The following ZNF521 variants were observed in gnomAD, a reference collection of about 807,000 sequenced individuals.
ZNF521 encodes LYST-interacting protein 3.
In ZNF521, 14 loss-of-function variants were observed where a neutral mutation model predicts 105.5. That is an observed-to-expected ratio of 0.13 (90% CI 0.09 to 0.21). The LOEUF (loss-of-function observed/expected upper bound fraction) is 0.21. Ranked by LOEUF, ZNF521 falls within the 10% of genes least tolerant of loss-of-function variation. ZNF521 has a pLI of 1.00. For missense variants in ZNF521, 1,233 were observed against 1,629.7 expected (o/e 0.76, Z 4.19); for synonymous variants, 635 against 606.0 (o/e 1.05, Z -0.70).
intron 3 of ZNF521, among the ~76,000 whole-genome samples, chr18:25,266,182 T>C (rs1909238754): frequency 6.6e-6 from 1 of 152,156 alleles, no homozygotes; most frequent in South Asian, 2.1e-4. Context: ...AACTAACTTA[T>C]AAAGAGTATA....
At chr18:25,205,018 T>A (rs2036054060) in intron 4 of ZNF521, among the ~76,000 whole-genome samples, 3 of 152,012 alleles carry the variant, frequency 2.0e-5, no homozygotes, top group Non-Finnish European at 4.4e-5. Context: ...CCTTCATTCA[T>A]AAGGTACTTA....
chr18:25,227,082 G>A lies in ZNF521; in HGVS notation c.836C>T (p.Ala279Val), dbSNP rs1214176913. ...HPECSPNEDR[A>V]ALQCVYCHEL... ...GTGGCAGTAGACACACTGGAGGGCC[G>A]CTCGGTCCTCATTTGGGGAGCATTC... Residue 279 changes from alanine (A) to valine (V), a missense_variant, in exon 4 of 8, where the codon GCG becomes GTG. Ala to Val is a moderately conservative substitution (Grantham distance 64). This residue lies in a region of ZNF521 where 380 missense variants were observed against 478.0 expected (regional missense o/e 0.80). Transcript: ENST00000361524. The surrounding 1 kb of genome is among the most constrained non-coding windows in gnomAD (Gnocchi z 5.7). 1.2e-5 allele frequency: 19 copies of A among 1,614,002 alleles called. No individual in the cohort carries two copies. The highest frequency in any genetic ancestry group is 2.2e-5 in the East Asian group (1 of 44,880).
intron 5 of ZNF521, among the ~76,000 whole-genome samples, chr18:25,127,557 G>T (rs2034560430): frequency 6.6e-6 from 1 of 151,790 alleles, no homozygotes; most frequent in Admixed American, 6.6e-5. Context: ...TAATGTTTTA[G>T]AAAAAGACCT....
chr18:25,136,965 T>C (rs1450856390), intron 5 of ZNF521, among the ~76,000 whole-genome samples: 1 of 152,154 alleles, frequency 6.6e-6, no homozygotes, highest in Non-Finnish European at 1.5e-5. Context: ...CAGGGAGGCC[T>C]GGTTCCTGCT....
At chr18:25,096,831 T>A (rs2033861353) in intron 5 of ZNF521, among the ~76,000 whole-genome samples, 1 of 152,174 alleles carries the variant, frequency 6.6e-6, no homozygotes, top group Admixed American at 6.5e-5. Context: ...TAGAAACCCC[T>A]CCTGCTATAT....
rs78840265 is a variant in ZNF521 at position 25,347,819 on chromosome 18, G to A, written c.40+3088C>T. The stretch of plus-strand genomic sequence containing the variant: ...ATGTTTTTATCTGCCTTAGGTAAAT[G>A]ACTTTCCTGAGATACAAGTTTCAAA... On this transcript the variant is annotated intron_variant, in intron 2 of 7. Transcript: ENST00000361524. 2.5e-3 allele frequency among the ~76,000 whole-genome samples: 387 copies of A among 152,312 alleles called. 1 individual carries two copies. Among genetic ancestry groups the A allele is most frequent in the African/African-American group, 8.9e-3 (372 of 41,570 alleles).
At chr18:25,070,562 G>A (rs766788577) in intron 7 of ZNF521, among the ~76,000 whole-genome samples, 2 of 152,150 alleles carry the variant, frequency 1.3e-5, no homozygotes, top group African/African-American at 4.8e-5. Flanking sequence ...GAAGGCCAGT[G>A]GGGCTTGCCT....
chr18:25,195,278 C>T, intron 4 of ZNF521, 34 bp from the exon 5 acceptor site: 2 of 1,451,474 alleles, frequency 1.4e-6, no homozygotes, highest in Non-Finnish European at 1.9e-6. Flanking sequence ...GTTACTTAGA[C>T]ACATGGACTT....
In ZNF521 at chr18:25,348,597, G is replaced by T. The variant is rs1295355908; in HGVS notation, c.40+2310C>A. Among the ~76,000 whole-genome samples the T allele has an allele frequency of 3.3e-5, 5 of 152,294 alleles. No individual in the cohort carries two copies. The East Asian group carries it at 7.7e-4, about 24-fold the overall frequency. On this transcript the variant is annotated intron_variant, in intron 2 of 7. Transcript: ENST00000361524. ...TCTTTTGGGAGTTGTCCAAGCAGCTGATAGGAGAGAACAGCACTGTGTTCC... is the reference window on the plus strand; with the variant it reads ...TCTTTTGGGAGTTGTCCAAGCAGCTTATAGGAGAGAACAGCACTGTGTTCC...
chr18:25,106,379 A>C (rs929970835), intron 5 of ZNF521, among the ~76,000 whole-genome samples: 2 of 152,172 alleles, frequency 1.3e-5, no homozygotes, highest in Non-Finnish European at 2.9e-5. Context: ...AAAAACAAAC[A>C]AACCCTCCCG....
intron 3 of ZNF521, among the ~76,000 whole-genome samples, chr18:25,229,314 C>T (rs1238998580): frequency 6.6e-6 from 1 of 151,476 alleles, no homozygotes; most frequent in Non-Finnish European, 1.5e-5. Context: ...AACCCTCTCA[C>T]TCTGAGAAAA....
intron 5 of ZNF521, among the ~76,000 whole-genome samples, chr18:25,105,772 A>C (rs2034059582): frequency 6.6e-6 from 1 of 152,180 alleles, no homozygotes. Context: ...ACTAAATTTC[A>C]GTATCGGAGC....
chr18:25,261,067 A>T (rs1221975557), intron 3 of ZNF521, among the ~76,000 whole-genome samples: 1 of 152,202 alleles, frequency 6.6e-6, no homozygotes, highest in Middle Eastern at 3.4e-3. Context: ...GCAGTGCTAC[A>T]GTGAGGTGGT....
chr18:25,285,616 AC>A (rs1416389761), intron 3 of ZNF521, among the ~76,000 whole-genome samples: 1 of 151,414 alleles, frequency 6.6e-6, no homozygotes, highest in Non-Finnish European at 1.5e-5. Flanking sequence ...GCAAAAGACA[AC>A]CACCCCCTCA....
chr18:25,331,802 T>C (rs972531444), intron 2 of ZNF521, among the ~76,000 whole-genome samples: 8 of 152,156 alleles, frequency 5.3e-5, no homozygotes, highest in Non-Finnish European at 1.0e-4. Flanking sequence ...ACTTTCACAT[T>C]TTGAGAAGGT....
intron 5 of ZNF521, among the ~76,000 whole-genome samples, chr18:25,166,468 A>G (rs558943562): frequency 6.6e-6 from 1 of 152,324 alleles, no homozygotes; most frequent in East Asian, 1.9e-4. Context: ...TTCTGGTTCT[A>G]GATCATTATG....
chr18:25,349,783 A>G (rs1282059718), intron 2 of ZNF521, among the ~76,000 whole-genome samples: 12 of 150,340 alleles, frequency 8.0e-5, no homozygotes, highest in South Asian at 2.1e-4. Flanking sequence ...GGCGGGACCC[A>G]GCGGGCCCGG....
intron 3 of ZNF521, among the ~76,000 whole-genome samples, chr18:25,314,250 T>G (rs1049279048): frequency 1.3e-5 from 2 of 152,198 alleles, no homozygotes; most frequent in Admixed American, 1.3e-4. Context: ...GATGCTTCAT[T>G]CTGTAAACTA....
intron 7 of ZNF521, among the ~76,000 whole-genome samples, chr18:25,080,507 CT>C (rs1409558924): frequency 6.6e-6 from 1 of 152,176 alleles, no homozygotes; most frequent in African/African-American, 2.4e-5. Context: ...ATGTGAATTC[CT>C]CTTAAAATAC....
Sources: gnomAD v4.1 joint callset for allele counts (sites outside exome capture counted in the v4.1 genomes callset) on GRCh38, gnomAD v4.1.1 for gene constraint, gnomAD v4.1.1 regional missense constraint, Gnocchi (gnomAD v3.1) non-coding constraint, MANE v1.5 for transcripts, NCBI Gene and HGNC (gene_info 2026-07-23, HGNC 2026-07-21) for gene names.